The following FBXL17 variants were observed in gnomAD, a reference collection of about 807,000 sequenced individuals.
FBXL17 encodes F-box and leucine rich repeat protein 17, also known as F-box/LRR-repeat protein 17.
Under a neutral mutation model 66.2 loss-of-function variants are expected in FBXL17, and 22 were observed. The ratio of observed to expected loss-of-function variants is 0.33; its 90% CI spans 0.24 to 0.47. The LOEUF (loss-of-function observed/expected upper bound fraction) is 0.47. Ranked by LOEUF, FBXL17 falls within the 20% of genes least tolerant of loss-of-function variation. The pLI, the probability that FBXL17 is intolerant of heterozygous loss-of-function variation, is 1.00. For missense variants in FBXL17, 878 were observed against 948.2 expected, an observed-to-expected ratio of 0.93 and a Z score of 0.97; for synonymous variants, 474 against 400.5, an observed-to-expected ratio of 1.18 and a Z score of -2.19.
intron 6 of FBXL17, among the ~76,000 whole-genome samples, chr5:108,114,262 G>A (rs931113221): frequency 2.0e-5 from 3 of 152,080 alleles, no homozygotes; most frequent in Non-Finnish European, 4.4e-5. Flanking sequence ...ATTGTGCATA[G>A]TAACCATTTG....
chr5:107,931,462 T>C (rs1264975602), intron 7 of FBXL17, among the ~76,000 whole-genome samples: 2 of 151,966 alleles, frequency 1.3e-5, no homozygotes, highest in African/African-American at 4.8e-5. Context: ...AGTTTTCCCA[T>C]GTTGCCCAGG....
At chr5:108,376,164 TATC>T in intron 1 of FBXL17, among the ~76,000 whole-genome samples, 1 of 152,322 alleles carries the variant, frequency 6.6e-6, no homozygotes, top group Middle Eastern at 3.4e-3. Flanking sequence ...AACCCCTAGT[TATC>T]ATTATACTTA....
intron 4 of FBXL17, among the ~76,000 whole-genome samples, chr5:108,253,402 G>C (rs1019018315): frequency 6.6e-6 from 1 of 152,020 alleles, no homozygotes; most frequent in African/African-American, 2.4e-5. Flanking sequence ...GTTTGTTAAA[G>C]CATGAAATAC....
chr5:107,862,629 C>T (rs1748157991), intron 8 of FBXL17, among the ~76,000 whole-genome samples: 1 of 152,136 alleles, frequency 6.6e-6, no homozygotes, highest in South Asian at 2.1e-4. Context: ...ACCTAAGAAC[C>T]ACAACTTTTA....
intron 7 of FBXL17, among the ~76,000 whole-genome samples, chr5:107,941,910 C>T (rs924016274): frequency 6.6e-6 from 1 of 152,158 alleles, no homozygotes; most frequent in East Asian, 1.9e-4. Context: ...CTTCCGTGAC[C>T]GTCGTGGCTG....
chr5:108,128,817 A>C (rs989765734), intron 6 of FBXL17, among the ~76,000 whole-genome samples: 1 of 152,172 alleles, frequency 6.6e-6, no homozygotes, highest in African/African-American at 2.4e-5. Context: ...TTCTATAGGA[A>C]ATATACTGTA....
At chr5:108,317,195 T>TC (rs1448042242) in intron 4 of FBXL17, among the ~76,000 whole-genome samples, 7 of 151,304 alleles carry the variant, frequency 4.6e-5, no homozygotes, top group Non-Finnish European at 1.0e-4. Context: ...ACAAATCGGT[T>TC]CCCCCAAAAT....
intron 7 of FBXL17, among the ~76,000 whole-genome samples, chr5:107,934,492 A>G (rs13153403): frequency 0.38 from 57,362 of 152,080 alleles, 11,562 homozygotes; most frequent in East Asian, 0.58. Context: ...TTGAAGTACT[A>G]TAATGTCACC....
intron 7 of FBXL17, among the ~76,000 whole-genome samples, chr5:107,892,310 T>G (rs1749222735): frequency 6.6e-6 from 1 of 152,122 alleles, no homozygotes; most frequent in Non-Finnish European, 1.5e-5. Flanking sequence ...GGGGTCTTGT[T>G]TAAAGAGTTC....
chr5:108,072,146 G>A (rs192490620), intron 6 of FBXL17, among the ~76,000 whole-genome samples: 2 of 152,158 alleles, frequency 1.3e-5, no homozygotes, highest in Non-Finnish European at 1.5e-5. Context: ...TTGCTCTTAT[G>A]TTTATGCCAG....
At chr5:108,112,957 C>A (rs1750097789) in intron 6 of FBXL17, among the ~76,000 whole-genome samples, 1 of 147,696 alleles carries the variant, frequency 6.8e-6, no homozygotes, top group African/African-American at 2.4e-5. Flanking sequence ...TCTTAATTCA[C>A]CATTCATATT....
intron 6 of FBXL17, among the ~76,000 whole-genome samples, chr5:108,094,692 C>T (rs1395569524): frequency 1.3e-5 from 2 of 152,014 alleles, no homozygotes; most frequent in Non-Finnish European, 2.9e-5. Context: ...AGATTCCTTT[C>T]AAAATCTGCA....
intron 3 of FBXL17, among the ~76,000 whole-genome samples, chr5:108,360,325 C>T (rs1269130000): frequency 6.6e-6 from 1 of 152,200 alleles, no homozygotes; most frequent in East Asian, 1.9e-4. Flanking sequence ...TTAATGTCCC[C>T]TTGAGTGCCC....
At chr5:107,979,056 T>G (rs750862850) in intron 7 of FBXL17, among the ~76,000 whole-genome samples, 10 of 152,194 alleles carry the variant, frequency 6.6e-5, no homozygotes, top group Non-Finnish European at 1.5e-4. Flanking sequence ...TAAATATGTC[T>G]TGTGAAGATT....
intron 4 of FBXL17, among the ~76,000 whole-genome samples, chr5:108,308,064 A>G (rs1398017952): frequency 6.6e-6 from 1 of 152,112 alleles, no homozygotes; most frequent in Admixed American, 6.6e-5. Context: ...GTTTGTTCCT[A>G]TAAATAGAAA....
At chr5:108,062,977 C>G (rs567998903) in intron 6 of FBXL17, among the ~76,000 whole-genome samples, 2 of 151,730 alleles carry the variant, frequency 1.3e-5, no homozygotes, top group Non-Finnish European at 2.9e-5. Context: ...TTGCTGGTCA[C>G]TTCTTATATA....
intron 6 of FBXL17, among the ~76,000 whole-genome samples, chr5:108,075,754 G>A (rs1469115271): frequency 6.6e-6 from 1 of 152,160 alleles, no homozygotes; most frequent in Non-Finnish European, 1.5e-5. Flanking sequence ...TGGGATTACA[G>A]GCTTAAGCCA....
At chr5:108,201,571 C>G (rs1163100616) in intron 5 of FBXL17, among the ~76,000 whole-genome samples, 1 of 151,958 alleles carries the variant, frequency 6.6e-6, no homozygotes, top group East Asian at 1.9e-4. Context: ...ATATTTAACT[C>G]TGTAATTCTC....
chr5:108,113,417 A>ACATGTGTAT (rs1405423004), intron 6 of FBXL17, among the ~76,000 whole-genome samples: 1 of 152,208 alleles, frequency 6.6e-6, no homozygotes, highest in Non-Finnish European at 1.5e-5. Context: ...CAACATATGC[A>ACATGTGTAT]CATGTGTATA....
Sources: gnomAD v4.1 joint callset for allele counts (sites outside exome capture counted in the v4.1 genomes callset) on GRCh38, gnomAD v4.1.1 for gene constraint, MANE v1.5 for transcripts, NCBI Gene and HGNC (gene_info 2026-07-23, HGNC 2026-07-21) for gene names.